NELL2: variants seen among roughly 807,000 people sequenced by gnomAD.
NELL2 encodes the protein neural EGFL like 2.
Under a neutral mutation model 109.6 loss-of-function variants are expected in NELL2, and 41 were observed. The observed-to-expected ratio is 0.37, with a 90% CI of 0.29 to 0.49. The LOEUF (loss-of-function observed/expected upper bound fraction) is 0.49. Among genes scored for constraint, NELL2 ranks in the 20% least tolerant of loss-of-function variants. The pLI, the probability that NELL2 is intolerant of heterozygous loss-of-function variation, is 0.98. For missense variants in NELL2, 900 were observed against 1,008.3 expected, an observed-to-expected ratio of 0.89 and a Z score of 1.45; for synonymous variants, 355 against 344.7, an observed-to-expected ratio of 1.03 and a Z score of -0.33.
At chr12:44,604,431 T>A (rs910584047) in intron 15 of NELL2, among the ~76,000 whole-genome samples, 11 of 152,138 alleles carry the variant, frequency 7.2e-5, no homozygotes, top group Non-Finnish European at 1.6e-4. Context: ...ACTAGATAAC[T>A]CTGAAAGCTT....
intron 13 of NELL2, among the ~76,000 whole-genome samples, chr12:44,633,614 G>T (rs982847981): frequency 6.6e-6 from 1 of 152,116 alleles, no homozygotes; most frequent in African/African-American, 2.4e-5. Flanking sequence ...TTCTGTAGGA[G>T]TTCCAGCTTT....
chr12:44,829,137 G>C (rs1021364360), intron 2 of NELL2, among the ~76,000 whole-genome samples: 6 of 152,064 alleles, frequency 3.9e-5, no homozygotes, highest in Non-Finnish European at 7.4e-5. Flanking sequence ...TCTAACTGCA[G>C]TACTGCTCAA....
chr12:44,510,866 C>T (rs1294967649), intron 19 of NELL2, among the ~76,000 whole-genome samples: 2 of 152,140 alleles, frequency 1.3e-5, no homozygotes, highest in Admixed American at 6.5e-5. Context: ...TCTGAGGTGC[C>T]GGCTCAGAGG....
chr12:44,708,990 A>C (rs1300820188), intron 11 of NELL2, among the ~76,000 whole-genome samples: 1 of 152,162 alleles, frequency 6.6e-6, no homozygotes, highest in African/African-American at 2.4e-5. Flanking sequence ...CTCTTTTAAA[A>C]AGAAATAGAT....
intron 12 of NELL2, among the ~76,000 whole-genome samples, chr12:44,688,655 G>A (rs1057295203): frequency 5.3e-5 from 8 of 152,126 alleles, no homozygotes; most frequent in Admixed American, 2.0e-4. Context: ...TCAGCAATGC[G>A]CTTGTTTGTC....
At chr12:44,729,627 T>G (rs1174143299) in intron 9 of NELL2, among the ~76,000 whole-genome samples, 1 of 149,778 alleles carries the variant, frequency 6.7e-6, no homozygotes, top group Non-Finnish European at 1.5e-5. Context: ...TAAGATTTAA[T>G]GACATAAATG....
intron 3 of NELL2, among the ~76,000 whole-genome samples, chr12:44,803,068 G>A (rs1295079891): frequency 1.3e-5 from 2 of 152,060 alleles, no homozygotes; most frequent in Non-Finnish European, 2.9e-5. Context: ...GCCTCCAGAT[G>A]TGGTATACTA....
chr12:44,883,490 C>T (rs1031463859), intron 1 of NELL2, among the ~76,000 whole-genome samples: 7 of 152,038 alleles, frequency 4.6e-5, no homozygotes, highest in African/African-American at 1.7e-4. Flanking sequence ...AGACCCTTTG[C>T]CTTAATCACA....
At chr12:44,756,646 C>A (rs10880673) in intron 9 of NELL2, among the ~76,000 whole-genome samples, 62,181 of 152,014 alleles carry the variant, frequency 0.41, 13,395 homozygotes, top group Non-Finnish European at 0.48. Flanking sequence ...TTAGCACCTT[C>A]TGCTACCATG....
intron 3 of NELL2, among the ~76,000 whole-genome samples, chr12:44,799,288 G>A (rs932412796): frequency 2.0e-5 from 3 of 151,800 alleles, no homozygotes; most frequent in Non-Finnish European, 4.4e-5. Context: ...TCACCTATGC[G>A]TATGACCTTT....
intron 3 of NELL2, among the ~76,000 whole-genome samples, chr12:44,789,097 CTT>C: frequency 6.6e-6 from 1 of 152,240 alleles, no homozygotes; most frequent in African/African-American, 2.4e-5. Flanking sequence ...GACATATACT[CTT>C]GGGAGTTCTA....
chr12:44,780,043 T>G (rs773949968), intron 3 of NELL2, 21 bp from the exon 4 acceptor site: 1 of 1,607,420 alleles, frequency 6.2e-7, no homozygotes, highest in Non-Finnish European at 8.5e-7. Context: ...AAGAGCCACA[T>G]GGGACACATT....
At chr12:44,872,441 C>T (rs1215352511) in intron 2 of NELL2, among the ~76,000 whole-genome samples, 1 of 152,052 alleles carries the variant, frequency 6.6e-6, no homozygotes, top group Non-Finnish European at 1.5e-5. Context: ...ATTTTTAAAA[C>T]ATATGACTTT....
intron 15 of NELL2, among the ~76,000 whole-genome samples, chr12:44,570,593 C>A (rs1943829619): frequency 6.6e-6 from 1 of 152,102 alleles, no homozygotes; most frequent in Non-Finnish European, 1.5e-5. Flanking sequence ...TGTCAATGCC[C>A]ATTAAAATAT....
At chr12:44,643,062 C>T (rs543258256) in intron 13 of NELL2, among the ~76,000 whole-genome samples, 1 of 152,276 alleles carries the variant, frequency 6.6e-6, no homozygotes, top group South Asian at 2.1e-4. Flanking sequence ...TTCTCATATA[C>T]TTCTGATAAA....
At chr12:44,528,097 C>CAAAAAAAAAAAAAAAAAAAAAAAAAA (rs71093812) in intron 16 of NELL2, among the ~76,000 whole-genome samples, 6 of 22,000 alleles carry the variant, frequency 2.7e-4, no homozygotes, top group Non-Finnish European at 3.2e-4. Context: ...GACTCCGTCT[C>CAAAAAAAAAAAAAAAAAAAAAAAAAA]AAAAAAAAAA....
At chr12:44,789,343 G>A (rs543073581) in intron 3 of NELL2, among the ~76,000 whole-genome samples, 38 of 152,306 alleles carry the variant, frequency 2.5e-4, no homozygotes, top group African/African-American at 8.7e-4. Context: ...TCAGAGCTGG[G>A]TAGACTTGCT....
At chr12:44,898,964 C>T (rs1480568932) in intron 1 of NELL2, among the ~76,000 whole-genome samples, 1 of 150,840 alleles carries the variant, frequency 6.6e-6, no homozygotes, top group Non-Finnish European at 1.5e-5. Context: ...GAAGCATACA[C>T]AAGTATCAAT....
At chr12:44,609,325 A>G (rs573250876) in intron 14 of NELL2, among the ~76,000 whole-genome samples, 5 of 151,984 alleles carry the variant, frequency 3.3e-5, no homozygotes, top group Non-Finnish European at 7.4e-5. Context: ...CTACTAAGTG[A>G]CTAATGGTGG....
Sources: allele counts gnomAD v4.1 joint callset (sites outside exome capture counted in the v4.1 genomes callset), GRCh38; gene constraint gnomAD v4.1.1; transcripts MANE v1.5; gene names NCBI Gene and HGNC (gene_info 2026-07-23, HGNC 2026-07-21).